Variants in RBFOX1 observed in about 807,000 individuals in gnomAD.
The protein encoded by RBFOX1 is RNA binding fox-1 homolog 1, also known as RNA binding protein fox-1 homolog 1.
RBFOX1 carries 8 observed loss-of-function variants against 57.7 expected under a neutral mutation model. That is an observed-to-expected ratio of 0.14 (90% confidence interval 0.08 to 0.25). The LOEUF (loss-of-function observed/expected upper bound fraction) is 0.25. Among genes scored for constraint, RBFOX1 ranks in the 10% least tolerant of loss-of-function variants. RBFOX1 has a pLI of 1.00. For missense variants in RBFOX1, 611 were observed against 548.5 expected, an observed-to-expected ratio of 1.11 and a Z score of -1.14; for synonymous variants, 326 against 222.4, an observed-to-expected ratio of 1.47 and a Z score of -4.15.
At position 7,224,127 on chromosome 16, in the gene RBFOX1, T is replaced by TAAG. The variant is rs1555598015; in HGVS notation, c.27+172031_27+172032insGAA. ...TTTCTATCCTGATTCTTCCTTTTTCTAAAAAAAAAAAAAAAAAAAAAAAAA... is the reference window on the plus strand; with the variant it reads ...TTTCTATCCTGATTCTTCCTTTTTCTAAGAAAAAAAAAAAAAAAAAAAAAAAAA... On this transcript the variant is annotated intron_variant, in intron 4 of 15. Coordinates refer to ENST00000550418, the MANE Select transcript of RBFOX1 (RefSeq NM_018723.4). 7.7e-5 allele frequency among the ~76,000 whole-genome samples: 4 copies of TAAG among 52,264 alleles called. No homozygotes were observed. The South Asian group carries it at 3.4e-3, about 44-fold the overall frequency. 34.3% of individuals were successfully genotyped at this position (52,264 alleles called of 152,430 possible).
At chr16:5,886,416 T>C (rs1364656630) in intron 4 of RBFOX1, among the ~76,000 whole-genome samples, 3 of 152,212 alleles carry the variant, frequency 2.0e-5, no homozygotes, top group Non-Finnish European at 4.4e-5. Context: ...AGGAGTTCTG[T>C]AGAAATAGAC....
At chr16:5,833,586 C>G (rs2056358099) in intron 3 of RBFOX1, among the ~76,000 whole-genome samples, 1 of 150,228 alleles carries the variant, frequency 6.7e-6, no homozygotes. Flanking sequence ...ATAAAGGTAA[C>G]TTAGCTGATA....
chr16:5,748,389 G>A (rs1348728555), intron 3 of RBFOX1, among the ~76,000 whole-genome samples: 3 of 152,030 alleles, frequency 2.0e-5, no homozygotes, highest in Non-Finnish European at 2.9e-5. Flanking sequence ...TGTCTATTAG[G>A]TCTGCTTGGT....
intron 1 of RBFOX1, among the ~76,000 whole-genome samples, chr16:5,291,982 C>T (rs927504427): frequency 6.7e-6 from 1 of 149,418 alleles, no homozygotes; most frequent in Non-Finnish European, 1.5e-5. Context: ...CTTTCAAAGG[C>T]CATTTGCAGT....
chr16:6,895,185 T>G (rs935302496), intron 3 of RBFOX1, among the ~76,000 whole-genome samples: 2 of 151,994 alleles, frequency 1.3e-5, no homozygotes, highest in Non-Finnish European at 2.9e-5. Context: ...TCCTCTAGTT[T>G]TGTGATGTTC....
intron 1 of RBFOX1, among the ~76,000 whole-genome samples, chr16:5,257,694 G>A (rs1273723348): frequency 6.6e-6 from 1 of 152,156 alleles, no homozygotes; most frequent in Non-Finnish European, 1.5e-5. Flanking sequence ...CATGAAGCAA[G>A]GCGCATGGGT....
chr16:6,204,331 G>C (rs1038285920), intron 1 of RBFOX1, among the ~76,000 whole-genome samples: 1 of 152,176 alleles, frequency 6.6e-6, no homozygotes, highest in Non-Finnish European at 1.5e-5. Context: ...ATTGACAGCA[G>C]CTTCTGTGAC....
In RBFOX1 at chr16:7,304,347, A is replaced by G. The variant is rs1050184809; in HGVS notation, c.28-213800A>G. ...GCAGAGAGCAACGTGATTGCATTCA[A>G]GCGTCCCCACTCGGGCTCGGCGGGC... On this transcript the variant is annotated intron_variant, in intron 4 of 15. Transcript: ENST00000550418. 5 of 985,104 alleles carry G rather than the reference A, an allele frequency of 5.1e-6. No individual in the cohort carries two copies. In the African/African-American group the frequency reaches 7.0e-5, roughly 14 times the overall value. The allele number at this position is 985,104 out of a possible 1,614,324, so 61.0% of individuals were successfully genotyped here. A position where few individuals can be genotyped will look rare whatever the true frequency, so the allele number is the denominator to read the frequency against.
At chr16:6,842,903 T>C (rs1011760274) in intron 3 of RBFOX1, among the ~76,000 whole-genome samples, 6 of 152,158 alleles carry the variant, frequency 3.9e-5, no homozygotes, top group African/African-American at 7.2e-5. Flanking sequence ...CTCCGACTTA[T>C]GAGTGAGAAC....
At chr16:5,362,285 G>A (rs2065574099) in intron 1 of RBFOX1, among the ~76,000 whole-genome samples, 1 of 152,086 alleles carries the variant, frequency 6.6e-6, no homozygotes, top group Non-Finnish European at 1.5e-5. Flanking sequence ...CCGCCTCCTG[G>A]GTTTAAGTGA....
At chr16:5,965,612 C>T (rs1372595888) in intron 4 of RBFOX1, among the ~76,000 whole-genome samples, 1 of 152,136 alleles carries the variant, frequency 6.6e-6, no homozygotes, top group East Asian at 1.9e-4. Context: ...GCACCAATGA[C>T]CTCCACAAAG....
rs185277768 is a variant in RBFOX1, at chr16:5,894,817, C to T, written c.351+27482C>T. On this transcript the variant is annotated intron_variant, in intron 4 of 19. Coordinates refer to the RBFOX1 transcript ENST00000641259. ...CAGGCGGATCACGAGGTCAGGAGAT[C>T]GAGACCATCTTGGCTAACACGGTGA... Among the ~76,000 whole-genome samples, 48 of 152,106 alleles carry T rather than the reference C, an allele frequency of 3.2e-4. 2 individuals are homozygous for T. Among genetic ancestry groups the T allele is most frequent in the Admixed American group, 2.6e-3 (40 of 15,288 alleles).
chr16:7,258,363 A>G (rs538049839), intron 4 of RBFOX1, among the ~76,000 whole-genome samples: 12 of 152,312 alleles, frequency 7.9e-5, no homozygotes, highest in African/African-American at 2.6e-4. Flanking sequence ...TATTGACTGT[A>G]TATTTGAGAT....
chr16:5,465,043 G>T (rs1377573248), intron 1 of RBFOX1, among the ~76,000 whole-genome samples: 4 of 152,178 alleles, frequency 2.6e-5, no homozygotes, highest in Non-Finnish European at 5.9e-5. Context: ...CCTTTCAGAG[G>T]GGAGAGAAAA....
At chr16:7,185,715 G>C (rs970577577) in intron 4 of RBFOX1, among the ~76,000 whole-genome samples, 7 of 152,278 alleles carry the variant, frequency 4.6e-5, no homozygotes, top group African/African-American at 1.7e-4. Context: ...TGCTACCACT[G>C]AAAGTGGTAA....
chr16:5,963,603 A>G (rs2059791987), intron 4 of RBFOX1, among the ~76,000 whole-genome samples: 1 of 152,206 alleles, frequency 6.6e-6, no homozygotes, highest in Non-Finnish European at 1.5e-5. Flanking sequence ...AAATAAATCC[A>G]TACATCTATA....
chr16:6,768,715 A>G (rs986336205), intron 3 of RBFOX1, among the ~76,000 whole-genome samples: 10 of 150,088 alleles, frequency 6.7e-5, no homozygotes, highest in South Asian at 2.1e-4. Flanking sequence ...ATATGTATAT[A>G]TGATATTATG....
chr16:7,375,143 A>C (rs1174779862), intron 4 of RBFOX1, among the ~76,000 whole-genome samples: 3 of 152,210 alleles, frequency 2.0e-5, no homozygotes, highest in African/African-American at 7.2e-5. Flanking sequence ...TAATCTTTTC[A>C]GTAACGTTGG....
At chr16:7,262,303 C>G (rs1225996190) in intron 4 of RBFOX1, among the ~76,000 whole-genome samples, 1 of 137,090 alleles carries the variant, frequency 7.3e-6, no homozygotes, top group Non-Finnish European at 1.6e-5. Flanking sequence ...TCCTGATTGC[C>G]CATTTCTCTA....
Sources: allele counts gnomAD v4.1 joint callset (sites outside exome capture counted in the v4.1 genomes callset), GRCh38; gene constraint gnomAD v4.1.1; transcripts MANE v1.5; gene names NCBI Gene and HGNC (gene_info 2026-07-23, HGNC 2026-07-21).